The following FRMD3 variants were observed in gnomAD, a reference collection of about 807,000 sequenced individuals.
FRMD3 encodes FERM domain-containing protein 3.
In FRMD3, 33 loss-of-function variants were observed where a neutral mutation model predicts 70.2. The observed-to-expected ratio is 0.47, with a 90% CI of 0.36 to 0.63. FRMD3 has a LOEUF of 0.63. FRMD3 is among the 20% of genes least tolerant of loss of function. FRMD3 has a pLI of 0.00. For synonymous variants in FRMD3, 279 were observed against 255.9 expected, an observed-to-expected ratio of 1.09 and a Z score of -0.86; for missense variants, 632 against 711.4, an observed-to-expected ratio of 0.89 and a Z score of 1.27.
At chr9:83,401,993 T>C (rs1315316506) in intron 1 of FRMD3, among the ~76,000 whole-genome samples, 1 of 152,050 alleles carries the variant, frequency 6.6e-6, no homozygotes, top group Non-Finnish European at 1.5e-5. Context: ...AATAATATTG[T>C]CACCCATTTT....
In FRMD3 at chr9:83,384,332, C is replaced by T. The variant is rs144764197; in HGVS notation, c.252+5272G>A. 8.4e-3 allele frequency among the ~76,000 whole-genome samples: 1,272 copies of T among 152,182 alleles called. 18 individuals are homozygous for T. Among genetic ancestry groups the T allele is most frequent in the African/African-American group, 0.029 (1,222 of 41,516 alleles). ...ATGAGCAGCTGTGAAGTAATTATCC[C>T]GAGAAGCAGGAAGCAGCCTCTCAAT... is the stretch of plus-strand genomic sequence containing the variant. On this transcript the variant is annotated intron_variant, in intron 2 of 13. Transcript: ENST00000304195.
intron 1 of FRMD3, among the ~76,000 whole-genome samples, chr9:83,452,848 CTTTTTT>C (rs11346596): frequency 1.4e-5 from 1 of 72,370 alleles, no homozygotes; most frequent in African/African-American, 6.3e-5. Context: ...TTTTTATTGC[CTTTTTT>C]TTTTTTTTTT....
intron 13 of FRMD3, among the ~76,000 whole-genome samples, chr9:83,283,586 G>T (rs1834069215): frequency 6.6e-6 from 1 of 150,548 alleles, no homozygotes; most frequent in African/African-American, 2.4e-5. Flanking sequence ...TCCAATAGTT[G>T]TGATAATTCT....
chr9:83,377,183 A>G (rs13300839), intron 2 of FRMD3, among the ~76,000 whole-genome samples: 40,689 of 152,076 alleles, frequency 0.27, 6,290 homozygotes, highest in Non-Finnish European at 0.34. Context: ...CTACTTTACC[A>G]TATCTTTAAT....
At chr9:83,531,048 G>A (rs977361005) in intron 1 of FRMD3, among the ~76,000 whole-genome samples, 4 of 152,172 alleles carry the variant, frequency 2.6e-5, no homozygotes, top group African/African-American at 7.2e-5. Flanking sequence ...TTCTGTTTGG[G>A]ATGCTGAATT....
At chr9:83,479,611 C>A (rs1252407164) in intron 1 of FRMD3, among the ~76,000 whole-genome samples, 1 of 95,236 alleles carries the variant, frequency 1.1e-5, no homozygotes, top group African/African-American at 4.2e-5. Context: ...TGAGGGATAG[C>A]AAGACCCTGA....
At chr9:83,507,709 T>C (rs866872596) in intron 1 of FRMD3, among the ~76,000 whole-genome samples, 1 of 91,360 alleles carries the variant, frequency 1.1e-5, no homozygotes, top group Non-Finnish European at 2.1e-5. Context: ...TATATATATA[T>C]ATATATATAT....
intron 1 of FRMD3, among the ~76,000 whole-genome samples, chr9:83,446,141 T>C (rs17404665): frequency 0.012 from 1,761 of 152,206 alleles, 13 homozygotes; most frequent in Non-Finnish European, 0.02. Flanking sequence ...CTAGGGCCAA[T>C]CTGAGCCGTA....
intron 1 of FRMD3, among the ~76,000 whole-genome samples, chr9:83,419,547 AT>A (rs1826566329): frequency 1.4e-5 from 2 of 139,656 alleles, no homozygotes; most frequent in Admixed American, 1.4e-4. Context: ...TGAGTGTGTG[AT>A]ATGTGTGTGT....
intron 1 of FRMD3, among the ~76,000 whole-genome samples, chr9:83,460,699 A>C (rs2131437074): frequency 6.6e-6 from 1 of 152,334 alleles, no homozygotes. Context: ...CAAATATACC[A>C]AAAAGGTACA....
At chr9:83,274,535 A>G (rs1160390101) in intron 13 of FRMD3, among the ~76,000 whole-genome samples, 2 of 152,256 alleles carry the variant, frequency 1.3e-5, no homozygotes, top group Admixed American at 6.5e-5. Context: ...AAGAAAAAAG[A>G]ACAGCCAGAG....
At chr9:83,335,699 G>T in intron 5 of FRMD3, 60 bp from the exon 6 acceptor site, 14 of 1,492,862 alleles carry the variant, frequency 9.4e-6, no homozygotes, top group Non-Finnish European at 1.3e-5. Context: ...CATGAGCAGG[G>T]TGCATATGGA....
chr9:83,381,550 A>AG (rs1825355895), intron 2 of FRMD3, among the ~76,000 whole-genome samples: 1 of 151,970 alleles, frequency 6.6e-6, no homozygotes, highest in Non-Finnish European at 1.5e-5. Context: ...AGTGCAAAAA[A>AG]AAAAGAAAAG....
intron 13 of FRMD3, among the ~76,000 whole-genome samples, chr9:83,268,072 G>A (rs568754969): frequency 3.3e-5 from 5 of 152,254 alleles, no homozygotes; most frequent in Non-Finnish European, 5.9e-5. Flanking sequence ...AATTAATATC[G>A]GCTGACTAAA....
intron 3 of FRMD3, among the ~76,000 whole-genome samples, chr9:83,362,342 T>A (rs573390942): frequency 5.8e-4 from 89 of 152,304 alleles, no homozygotes; most frequent in African/African-American, 2.0e-3. Context: ...ACTATCACCA[T>A]CAAAGTCAGG....
chr9:83,272,738 C>T (rs1360913146), intron 13 of FRMD3, among the ~76,000 whole-genome samples: 2 of 146,820 alleles, frequency 1.4e-5, no homozygotes, highest in African/African-American at 5.1e-5. Flanking sequence ...AAGTGAGGAG[C>T]GTCTCTGCCC....
intron 6 of FRMD3, among the ~76,000 whole-genome samples, chr9:83,326,120 T>C (rs1836006098): frequency 6.6e-6 from 1 of 152,162 alleles, no homozygotes; most frequent in Non-Finnish European, 1.5e-5. Flanking sequence ...CAGGAAGCCA[T>C]GTCTATTTGA....
At chr9:83,334,707 T>C (rs557082440) in intron 6 of FRMD3, among the ~76,000 whole-genome samples, 1 of 152,250 alleles carries the variant, frequency 6.6e-6, no homozygotes, top group African/African-American at 2.4e-5. Context: ...AAGTTGGCAA[T>C]GATCCCTACA....
At chr9:83,461,984 G>T (rs1285567756) in intron 1 of FRMD3, among the ~76,000 whole-genome samples, 1 of 152,006 alleles carries the variant, frequency 6.6e-6, no homozygotes, top group Non-Finnish European at 1.5e-5. Context: ...ACCAATGCCT[G>T]GCAGCAATTT....
Sources: gnomAD v4.1 joint callset for allele counts (sites outside exome capture counted in the v4.1 genomes callset) on GRCh38, gnomAD v4.1.1 for gene constraint, MANE v1.5 for transcripts, NCBI Gene and HGNC (gene_info 2026-07-23, HGNC 2026-07-21) for gene names.